Variants in PTPRT observed in about 807,000 individuals in gnomAD.
PTPRT encodes the protein protein tyrosine phosphatase receptor type T, also known as receptor-type tyrosine-protein phosphatase T.
Under a neutral mutation model 176.8 loss-of-function variants are expected in PTPRT, and 56 were observed. The ratio of observed to expected loss-of-function variants is 0.32; its 90% CI spans 0.26 to 0.40. The LOEUF (loss-of-function observed/expected upper bound fraction) is 0.40. Ranked by LOEUF, PTPRT falls within the 10% of genes least tolerant of loss-of-function variation. The pLI, the probability that PTPRT is intolerant of heterozygous loss-of-function variation, is 1.00. For synonymous variants in PTPRT, 783 were observed against 739.0 expected (o/e 1.06, Z -0.96); for missense variants, 1,540 against 1,908.2 (o/e 0.81, Z 3.60).
At chr20:42,669,745 A>T (rs980352192) in intron 7 of PTPRT, among the ~76,000 whole-genome samples, 7 of 152,044 alleles carry the variant, frequency 4.6e-5, no homozygotes, top group Non-Finnish European at 1.0e-4. Flanking sequence ...TGTTGCCCTG[A>T]AAGACCCTTG....
At chr20:42,370,796 T>C (rs1171242222) in intron 9 of PTPRT, among the ~76,000 whole-genome samples, 1 of 152,232 alleles carries the variant, frequency 6.6e-6, no homozygotes, top group Non-Finnish European at 1.5e-5. Flanking sequence ...CCATCTATAC[T>C]GTGGCCTGAA....
At chr20:42,401,115 T>C (rs912754659) in intron 9 of PTPRT, among the ~76,000 whole-genome samples, 2 of 147,184 alleles carry the variant, frequency 1.4e-5, no homozygotes, top group African/African-American at 5.1e-5. Context: ...TTGGAGTAAC[T>C]AAAAAATGTC....
chr20:42,614,934 T>C (rs1046548077), intron 7 of PTPRT, among the ~76,000 whole-genome samples: 4 of 141,118 alleles, frequency 2.8e-5, no homozygotes, highest in African/African-American at 8.6e-5. Context: ...TTTTTTTTTT[T>C]CTATTTTTTT....
intron 1 of PTPRT, among the ~76,000 whole-genome samples, chr20:43,073,468 A>AATAT (rs911986089): frequency 1.2e-5 from 1 of 85,276 alleles, no homozygotes; most frequent in Non-Finnish European, 2.2e-5. Flanking sequence ...AAAGCACAGG[A>AATAT]ATATATATAT....
intron 1 of PTPRT, among the ~76,000 whole-genome samples, chr20:43,115,296 A>T (rs2013016569): frequency 6.6e-6 from 1 of 152,112 alleles, no homozygotes; most frequent in Non-Finnish European, 1.5e-5. Context: ...CCTGGTTTAG[A>T]CCTTCAGCTG....
chr20:42,447,636 G>A (rs2070756197), intron 9 of PTPRT, among the ~76,000 whole-genome samples: 1 of 152,128 alleles, frequency 6.6e-6, no homozygotes, highest in South Asian at 2.1e-4. Context: ...AAGGCACATT[G>A]TGTTGGCTTG....
Position 42,236,013 on chromosome 20 carries a change from A to G in PTPRT, c.2342+216T>C, listed in dbSNP as rs560207735. Among the ~76,000 whole-genome samples the G allele has an allele frequency of 1.1e-4, 16 of 152,310 alleles. No homozygotes were observed. In the East Asian group the frequency reaches 2.7e-3, roughly 26 times the overall value. On this transcript the variant is annotated intron_variant, in intron 15 of 30. Coordinates refer to ENST00000373187, the MANE Select transcript of PTPRT (RefSeq NM_007050.6). ...CCTTCACATCTCTAAAAATAAGAGG[A>G]AAAAAATCCAAGATGGTGGAAACAT...
intron 8 of PTPRT, among the ~76,000 whole-genome samples, chr20:42,449,543 C>T (rs1333380199): frequency 1.3e-5 from 2 of 152,178 alleles, no homozygotes; most frequent in Non-Finnish European, 2.9e-5. Flanking sequence ...CATTATTTCA[C>T]TTAAGCCATA....
intron 16 of PTPRT, among the ~76,000 whole-genome samples, chr20:42,164,092 T>C (rs1180322258): frequency 6.6e-6 from 1 of 152,218 alleles, no homozygotes; most frequent in Non-Finnish European, 1.5e-5. Flanking sequence ...CTATGATTTC[T>C]ATGAAAGGAT....
chr20:42,648,820 G>GTTGTTGTTTTTTTTTTTT, intron 7 of PTPRT, among the ~76,000 whole-genome samples: 1 of 111,838 alleles, frequency 8.9e-6, no homozygotes, highest in African/African-American at 3.7e-5. Flanking sequence ...TGGTGTCGTT[G>GTTGTTGTTTTTTTTTTTT]TTTTTTTTTT....
intron 9 of PTPRT, among the ~76,000 whole-genome samples, chr20:42,383,206 GTTACAC>G (rs1202601148): frequency 6.6e-6 from 1 of 152,200 alleles, no homozygotes; most frequent in African/African-American, 2.4e-5. Flanking sequence ...TGAAATTATA[GTTACAC>G]TGGTGGAGTT....
chr20:43,080,707 A>T (rs1009166161), intron 1 of PTPRT, among the ~76,000 whole-genome samples: 12 of 152,226 alleles, frequency 7.9e-5, no homozygotes, highest in Non-Finnish European at 2.9e-5. Flanking sequence ...AGTTACCACC[A>T]ACAGGGCATG....
At chr20:42,133,813 T>C (rs1245272349) in intron 18 of PTPRT, among the ~76,000 whole-genome samples, 1 of 152,214 alleles carries the variant, frequency 6.6e-6, no homozygotes, top group Non-Finnish European at 1.5e-5. Flanking sequence ...AGGTACTTTC[T>C]GCTCAACTTT....
At chr20:43,172,424 C>T (rs554804979) in intron 1 of PTPRT, among the ~76,000 whole-genome samples, 8 of 152,186 alleles carry the variant, frequency 5.3e-5, no homozygotes, top group Non-Finnish European at 1.2e-4. Context: ...AGCTTGTGGG[C>T]CTGGGATGAG....
chr20:42,128,884 A>C (rs1987991401), intron 18 of PTPRT, 54 bp from the exon 19 acceptor site: 1 of 1,446,094 alleles, frequency 6.9e-7, no homozygotes, highest in Non-Finnish European at 9.5e-7. Context: ...TTACGCAGCT[A>C]ATGTCCTCCT....
chr20:43,057,448 G>A (rs886794982), intron 1 of PTPRT, among the ~76,000 whole-genome samples: 1 of 151,490 alleles, frequency 6.6e-6, no homozygotes, highest in Non-Finnish European at 1.5e-5. Flanking sequence ...GGAAGGAAAA[G>A]GAGGGTTGAA....
chr20:42,273,179 A>G (rs1404451189), intron 13 of PTPRT, among the ~76,000 whole-genome samples: 1 of 152,166 alleles, frequency 6.6e-6, no homozygotes, highest in African/African-American at 2.4e-5. Flanking sequence ...TTTTCTCATG[A>G]AATTCTTACA....
intron 1 of PTPRT, among the ~76,000 whole-genome samples, chr20:43,176,312 T>C (rs113595827): frequency 1.5e-4 from 21 of 143,876 alleles, no homozygotes; most frequent in East Asian, 8.5e-4. Flanking sequence ...TGTGCCACTG[T>C]ACTCTAGCCT....
intron 1 of PTPRT, among the ~76,000 whole-genome samples, chr20:43,090,590 C>T (rs1285968473): frequency 1.3e-5 from 2 of 152,018 alleles, no homozygotes; most frequent in Admixed American, 6.6e-5. Context: ...TTTTGAAAAG[C>T]AATTAAAACT....
Sources: gnomAD v4.1 joint callset for allele counts (sites outside exome capture counted in the v4.1 genomes callset) on GRCh38, gnomAD v4.1.1 for gene constraint, MANE v1.5 for transcripts, NCBI Gene and HGNC (gene_info 2026-07-23, HGNC 2026-07-21) for gene names.